RSBN1: variants seen among roughly 807,000 people sequenced by gnomAD.
RSBN1 encodes round spermatid basic protein 1.
RSBN1 carries 23 observed loss-of-function variants against 74.8 expected under a neutral mutation model. That is an observed-to-expected ratio of 0.31 (90% CI 0.22 to 0.44). The LOEUF is 0.44. Among genes scored for constraint, RSBN1 ranks in the 20% least tolerant of loss-of-function variants. The pLI is 1.00. For missense variants in RSBN1, 808 were observed against 1,020.9 expected (o/e 0.79, Z 2.84); for synonymous variants, 407 against 379.6 (o/e 1.07, Z -0.84).
Position 113,784,004 on chromosome 1 carries a change from G to A in RSBN1, c.1378-6196C>T, listed in dbSNP as rs186658632. Among the ~76,000 whole-genome samples, 158 of 152,134 alleles carry A rather than the reference G, an allele frequency of 1.0e-3. 2 individuals are homozygous for A. The highest frequency in any genetic ancestry group is 3.1e-3 in the African/African-American group (129 of 41,494). On this transcript the variant is annotated intron_variant, in intron 2 of 6. Coordinates refer to ENST00000261441, the MANE Select transcript of RSBN1 (RefSeq NM_018364.5). ...GATATCATCTGGGGTGTGATCTCCC[G>A]ATCTGGCCTAAAAAATATCTATAAC...
intron 2 of RSBN1, among the ~76,000 whole-genome samples, chr1:113,792,434 T>C (rs527798582): frequency 1.3e-3 from 204 of 152,300 alleles, no homozygotes; most frequent in Non-Finnish European, 2.2e-3. Flanking sequence ...GCAAAGCTAG[T>C]GCTCACACCT....
intron 4 of RSBN1, among the ~76,000 whole-genome samples, chr1:113,776,277 AT>A (rs1660023316): frequency 6.6e-6 from 1 of 152,248 alleles, no homozygotes; most frequent in East Asian, 1.9e-4. Flanking sequence ...TTAGTAGAAA[AT>A]AAAAACATGT....
intron 2 of RSBN1, among the ~76,000 whole-genome samples, chr1:113,784,151 G>A (rs1660194027): frequency 1.3e-5 from 2 of 152,114 alleles, no homozygotes; most frequent in Non-Finnish European, 2.9e-5. Flanking sequence ...GATTAAAGGA[G>A]GGACACAACA....
Position 113,765,882 on chromosome 1 carries a change from A to G in RSBN1, c.*98T>C, listed in dbSNP as rs892920242. The G allele has an allele frequency of 1.2e-6, 1 of 818,960 alleles. No individual in the cohort carries two copies. The highest frequency in any genetic ancestry group is 1.9e-6 in the Non-Finnish European group (1 of 530,336). The allele number at this position is 818,960 out of a possible 1,614,324, so 50.7% of individuals were successfully genotyped here. On this transcript the variant is annotated 3_prime_UTR_variant, in exon 7 of 7. Transcript: ENST00000261441. ...CATTTCTCTTTATAGAATTATAGGC[A>G]AGATTTCTCCAATAAAACTTAACTT...
rs1176224026 is a variant in RSBN1, at chr1:113,797,559, T to G, written c.1181A>C (p.Glu394Ala). ...TTCACTGAATGTCAAAGCAAGAAAC[T>G]CCTCAGAAAATCTCTCCATCTCCAT... is the stretch of plus-strand genomic sequence containing the variant. ...SPMEMERFSE[E>A]FLALTFSENE... The change falls in exon 2 of 7, where the codon GAG (glutamate) becomes GCG (alanine). Residue 394 changes from glutamate to alanine, a missense_variant. Glu to Ala is a moderately radical substitution (Grantham distance 107, BLOSUM62 -1). This residue lies in a region of RSBN1 where 85 missense variants were observed against 126.2 expected (regional missense o/e 0.67). Transcript: ENST00000261441. 6.2e-7 allele frequency: 1 copy of G among 1,612,038 alleles called. No individual in the cohort carries two copies. The highest frequency in any genetic ancestry group is 8.5e-7 in the Non-Finnish European group (1 of 1,178,954).
At chr1:113,768,181 A>G in intron 5 of RSBN1, 41 bp downstream of exon 5, 1 of 1,541,838 alleles carries the variant, frequency 6.5e-7, no homozygotes, top group South Asian at 1.2e-5. Flanking sequence ...ATTGTCTTAT[A>G]CAATATTAAC....
At chr1:113,783,294 G>C (rs919142337) in intron 2 of RSBN1, among the ~76,000 whole-genome samples, 2 of 151,870 alleles carry the variant, frequency 1.3e-5, no homozygotes, top group Admixed American at 1.3e-4. Flanking sequence ...AGGGGTGGAG[G>C]GGGAGAAGAA....
At position 113,775,536 on chromosome 1, in the gene RSBN1, C is replaced by A. The variant is rs1336524780; in HGVS notation, c.1658+1674G>T. Among the ~76,000 whole-genome samples the A allele has an allele frequency of 2.6e-5, 4 of 151,936 alleles. No individual in the cohort carries two copies. The East Asian group carries it at 7.8e-4, about 30-fold the overall frequency. On this transcript the variant is annotated intron_variant, in intron 4 of 6. Transcript: ENST00000261441. ...ATTTTTACTAGAGACAGGGTTTTGT[C>A]ATGTTGCCCAGGCTGGTCTTGAACT...
chr1:113,807,797 G>GTA (rs1360453744), intron 1 of RSBN1, among the ~76,000 whole-genome samples: 7 of 123,070 alleles, frequency 5.7e-5, no homozygotes, highest in South Asian at 5.6e-4. Flanking sequence ...ATATGTATAT[G>GTA]TATACACACA....
At chr1:113,775,577 T>C (rs565632048) in intron 4 of RSBN1, among the ~76,000 whole-genome samples, 1 of 152,220 alleles carries the variant, frequency 6.6e-6, no homozygotes, top group African/African-American at 2.4e-5. Context: ...ACTCAAGCAA[T>C]CTGCCTGCCT....
chr1:113,796,942 TGAAA>T (rs1323153816), intron 2 of RSBN1, among the ~76,000 whole-genome samples: 1 of 152,192 alleles, frequency 6.6e-6, no homozygotes, highest in Non-Finnish European at 1.5e-5. Flanking sequence ...AACAAGTTAC[TGAAA>T]GAGATATAAA....
At chr1:113,808,539 T>C (rs915191843) in intron 1 of RSBN1, among the ~76,000 whole-genome samples, 2 of 152,194 alleles carry the variant, frequency 1.3e-5, no homozygotes. Flanking sequence ...CCAATTTTCA[T>C]AGAAGCTCTA....
At chr1:113,796,221 G>A (rs1040529847) in intron 2 of RSBN1, 1 of 152,156 alleles carries the variant, frequency 6.6e-6, no homozygotes, top group Non-Finnish European at 1.5e-5. Flanking sequence ...CCAAGACGAA[G>A]CCCTTTATTG....
At chr1:113,767,051 G>C (rs369248279) in intron 6 of RSBN1, 48 bp downstream of exon 6, 1 of 1,051,284 alleles carries the variant, frequency 9.5e-7, no homozygotes, top group Non-Finnish European at 1.4e-6. Context: ...AATGGGTATA[G>C]ATATTTACTT....
intron 6 of RSBN1, among the ~76,000 whole-genome samples, 194 bp downstream of exon 6, chr1:113,766,905 T>C (rs1440714509): frequency 6.6e-6 from 1 of 152,166 alleles, no homozygotes; most frequent in Non-Finnish European, 1.5e-5. Context: ...TCCCAAAGAT[T>C]GAAAGGATTT....
intron 2 of RSBN1, among the ~76,000 whole-genome samples, chr1:113,792,539 T>C (rs553943522): frequency 6.6e-6 from 1 of 152,272 alleles, no homozygotes; most frequent in African/African-American, 2.4e-5. Context: ...TCTGGCTCTA[T>C]AAAAAAATTT....
In RSBN1 at chr1:113,797,588, A is replaced by C; in HGVS notation, c.1152T>G (p.Ser384=). Residue 384 remains serine (S), a synonymous_variant, in exon 2 of 7, where the codon TCT becomes TCG. Coordinates refer to ENST00000261441, the MANE Select transcript of RSBN1 (RefSeq NM_018364.5). ...HAYMDELSFL[S]PMEMERFSEE... is the part of the protein sequence containing the mutation. ...CAGAAAATCTCTCCATCTCCATTGG[A>C]GACAAAAATGAGAGTTCATCCATGT... is the stretch of plus-strand genomic sequence containing the variant. 1 of 1,612,906 alleles carries C rather than the reference A, an allele frequency of 6.2e-7. No individual in the cohort carries two copies. Among genetic ancestry groups the C allele is most frequent in the East Asian group, 2.2e-5 (1 of 44,824 alleles).
chr1:113,801,795 G>A (rs954361899), intron 1 of RSBN1, among the ~76,000 whole-genome samples: 2 of 152,130 alleles, frequency 1.3e-5, no homozygotes, highest in African/African-American at 4.8e-5. Context: ...ATTCACTTAA[G>A]AAACAAATTG....
chr1:113,811,585 G>C, intron 1 of RSBN1, 125 bp downstream of exon 1: 4 of 1,387,170 alleles, frequency 2.9e-6, no homozygotes, highest in Non-Finnish European at 2.8e-6. Flanking sequence ...GTCCACCCCA[G>C]TGAGCTTAGA....
Sources: gnomAD v4.1 joint callset for allele counts (sites outside exome capture counted in the v4.1 genomes callset) on GRCh38, gnomAD v4.1.1 for gene constraint, gnomAD v4.1.1 regional missense constraint, MANE v1.5 for transcripts, NCBI Gene and HGNC (gene_info 2026-07-23, HGNC 2026-07-21) for gene names.